Variants in ASTN2 observed in about 807,000 individuals in gnomAD.
ASTN2 encodes astrotactin 2.
Under a neutral mutation model 139.8 loss-of-function variants are expected in ASTN2, and 54 were observed. The ratio of observed to expected loss-of-function variants is 0.39; its 90% CI spans 0.31 to 0.48. ASTN2 has a LOEUF of 0.48. Ranked by LOEUF, ASTN2 falls within the 20% of genes least tolerant of loss-of-function variation. ASTN2 has a pLI of 0.95. For missense variants in ASTN2, 1,565 were observed against 1,725.1 expected (o/e 0.91, Z 1.64); for synonymous variants, 756 against 719.5 (o/e 1.05, Z -0.81).
intron 13 of ASTN2, among the ~76,000 whole-genome samples, chr9:116,777,921 C>A (rs952474543): frequency 1.3e-5 from 2 of 152,002 alleles, no homozygotes; most frequent in Non-Finnish European, 2.9e-5. Flanking sequence ...CGGCTCACTG[C>A]AACCTCCACC....
chr9:116,620,226 G>A, intron 18 of ASTN2, 84 bp downstream of exon 18: 1 of 1,593,286 alleles, frequency 6.3e-7, no homozygotes, highest in Non-Finnish European at 8.6e-7. Context: ...GGGAGCAGAA[G>A]CAAGTCATGG....
chr9:117,104,386 T>A (rs1298598984), intron 4 of ASTN2, among the ~76,000 whole-genome samples: 2 of 151,998 alleles, frequency 1.3e-5, no homozygotes, highest in Admixed American at 6.6e-5. Context: ...GGTAAAAAAA[T>A]ATGCAGAGAA....
At chr9:116,490,271 G>GAAAAAAAAAAAAAAAAAAAAAAAAAA (rs1564314339) in intron 19 of ASTN2, among the ~76,000 whole-genome samples, 1 of 2,314 alleles carries the variant, frequency 4.3e-4, no homozygotes, top group Non-Finnish European at 9.0e-4. Flanking sequence ...GTGATAAAAA[G>GAAAAAAAAAAAAAAAAAAAAAAAAAA]TAAAAAAAAA....
At chr9:117,041,026 A>G in intron 5 of ASTN2, among the ~76,000 whole-genome samples, 1 of 152,204 alleles carries the variant, frequency 6.6e-6, no homozygotes, top group Non-Finnish European at 1.5e-5. Flanking sequence ...AAATTGTGTT[A>G]CGACCTAGAA....
chr9:116,800,515 C>T (rs2132236454), intron 13 of ASTN2, among the ~76,000 whole-genome samples: 1 of 152,242 alleles, frequency 6.6e-6, no homozygotes, highest in Non-Finnish European at 1.5e-5. Context: ...GAGGTAGCTC[C>T]CCATGGAGTG....
At chr9:117,275,856 C>T (rs1403502790) in intron 2 of ASTN2, among the ~76,000 whole-genome samples, 1 of 152,098 alleles carries the variant, frequency 6.6e-6, no homozygotes. Context: ...CTCATAAAGA[C>T]ACAAGTCCTG....
At chr9:116,614,515 CA>C (rs1241402397) in intron 19 of ASTN2, among the ~76,000 whole-genome samples, 1 of 152,088 alleles carries the variant, frequency 6.6e-6, no homozygotes, top group African/African-American at 2.4e-5. Context: ...GTACTGGTAC[CA>C]AAACAGAGTT....
intron 20 of ASTN2, among the ~76,000 whole-genome samples, chr9:116,456,173 G>C (rs1234697586): frequency 8.6e-5 from 13 of 150,812 alleles, no homozygotes; most frequent in Admixed American, 8.6e-4. Flanking sequence ...GAAAGTTGTA[G>C]GATACAAAAT....
At chr9:116,913,300 A>T (rs1055858959) in intron 10 of ASTN2, among the ~76,000 whole-genome samples, 2 of 152,178 alleles carry the variant, frequency 1.3e-5, no homozygotes, top group African/African-American at 4.8e-5. Context: ...ATACCTCTGG[A>T]TTTCAAAATT....
At chr9:116,430,974 A>T (rs1156460079) in intron 22 of ASTN2, among the ~76,000 whole-genome samples, 1 of 152,234 alleles carries the variant, frequency 6.6e-6, no homozygotes, top group Non-Finnish European at 1.5e-5. Context: ...CAAATACCGG[A>T]AATGAAATCT....
At chr9:116,727,331 A>G (rs893600661) in intron 15 of ASTN2, among the ~76,000 whole-genome samples, 3 of 152,168 alleles carry the variant, frequency 2.0e-5, no homozygotes. Context: ...AACAGCCAAC[A>G]CTGTGCCACA....
chr9:116,932,583 C>T (rs547405940), intron 10 of ASTN2, among the ~76,000 whole-genome samples: 9 of 152,112 alleles, frequency 5.9e-5, no homozygotes, highest in Non-Finnish European at 1.3e-4. Context: ...GAGTTACATG[C>T]ATGTGCCCTG....
intron 10 of ASTN2, among the ~76,000 whole-genome samples, chr9:116,871,692 C>T (rs1011998240): frequency 1.3e-5 from 2 of 152,218 alleles, no homozygotes; most frequent in Non-Finnish European, 2.9e-5. Flanking sequence ...AGATATTCCA[C>T]ATTTTATTCC....
chr9:116,670,036 C>G (rs1314616612), intron 16 of ASTN2, among the ~76,000 whole-genome samples: 1 of 152,120 alleles, frequency 6.6e-6, no homozygotes, highest in Non-Finnish European at 1.5e-5. Flanking sequence ...AACTCCTGAC[C>G]TCAGGTGATC....
At chr9:116,490,303 A>AAAAAAAAG (rs1564314423) in intron 19 of ASTN2, among the ~76,000 whole-genome samples, 1 of 104,516 alleles carries the variant, frequency 9.6e-6, no homozygotes, top group African/African-American at 3.4e-5. Flanking sequence ...AAAAAAAAAA[A>AAAAAAAAG]GGGGGCATTG....
intron 4 of ASTN2, among the ~76,000 whole-genome samples, chr9:117,133,956 C>A (rs1180552671): frequency 1.3e-5 from 2 of 151,870 alleles, no homozygotes; most frequent in African/African-American, 2.4e-5. Flanking sequence ...TCCTTGTAAC[C>A]CCTATAACTA....
intron 5 of ASTN2, among the ~76,000 whole-genome samples, chr9:117,045,334 A>T (rs1021160039): frequency 6.9e-6 from 1 of 144,454 alleles, no homozygotes; most frequent in Non-Finnish European, 1.5e-5. Context: ...TTTTTTTTCC[A>T]GAAGGCTGAG....
chr9:116,671,302 T>C (rs187778985), intron 16 of ASTN2, among the ~76,000 whole-genome samples: 2 of 152,320 alleles, frequency 1.3e-5, no homozygotes, highest in Non-Finnish European at 2.9e-5. Flanking sequence ...TCTTTTAAAA[T>C]GCTCTTTTAT....
At chr9:116,877,519 A>G (rs1833334636) in intron 10 of ASTN2, among the ~76,000 whole-genome samples, 1 of 152,210 alleles carries the variant, frequency 6.6e-6, no homozygotes. Context: ...TATAATTACA[A>G]ACTGTGATAG....
Sources: allele counts gnomAD v4.1 joint callset (sites outside exome capture counted in the v4.1 genomes callset), GRCh38; gene constraint gnomAD v4.1.1; transcripts MANE v1.5; gene names NCBI Gene and HGNC (gene_info 2026-07-23, HGNC 2026-07-21).